Variants in PRKCB observed in about 807,000 individuals in gnomAD.
The protein encoded by PRKCB is protein kinase C beta type.
In PRKCB, 13 loss-of-function variants were observed where a neutral mutation model predicts 81.5. The observed-to-expected ratio is 0.16, with a 90% CI of 0.10 to 0.25. The LOEUF (loss-of-function observed/expected upper bound fraction) is 0.25. Among genes scored for constraint, PRKCB ranks in the 10% least tolerant of loss-of-function variants. The probability of loss-of-function intolerance (pLI) is 1.00; values close to 1 mark genes in which losing one functional copy is unlikely to be tolerated. For missense variants in PRKCB, 509 were observed against 875.7 expected (o/e 0.58, Z 5.29); for synonymous variants, 335 against 321.4 (o/e 1.04, Z -0.45).
intron 5 of PRKCB, among the ~76,000 whole-genome samples, chr16:24,052,584 A>G (rs1965855938): frequency 6.6e-6 from 1 of 152,178 alleles, no homozygotes; most frequent in African/African-American, 2.4e-5. Context: ...GCAGATTCCC[A>G]GAACTGAGGA....
intron 10 of PRKCB, among the ~76,000 whole-genome samples, chr16:24,168,349 C>T (rs1967378574): frequency 6.6e-6 from 1 of 152,130 alleles, no homozygotes; most frequent in South Asian, 2.1e-4. Context: ...CACCTCTTCT[C>T]CCGGTTTTAT....
At chr16:24,194,397 A>G (rs767150334) in intron 16 of PRKCB, among the ~76,000 whole-genome samples, 11 of 152,188 alleles carry the variant, frequency 7.2e-5, no homozygotes, top group Non-Finnish European at 1.6e-4. Context: ...TATATATCAG[A>G]ACAAATTTTT....
chr16:24,151,136 C>T (rs1011456124), intron 9 of PRKCB, among the ~76,000 whole-genome samples: 3 of 152,138 alleles, frequency 2.0e-5, no homozygotes, highest in East Asian at 1.9e-4. Context: ...ATTTCTGTGT[C>T]TCCTTTTACT....
intron 5 of PRKCB, among the ~76,000 whole-genome samples, chr16:24,043,683 C>T (rs1321485364): frequency 6.6e-6 from 1 of 152,026 alleles, no homozygotes; most frequent in East Asian, 1.9e-4. Flanking sequence ...TCTCTTCTTC[C>T]CTGGTCATTT....
At chr16:24,175,971 CAAAAAAAAAAAA>C (rs34578906) in intron 12 of PRKCB, among the ~76,000 whole-genome samples, 14 of 49,870 alleles carry the variant, frequency 2.8e-4, no homozygotes, top group African/African-American at 1.1e-3. Context: ...GACCCTGTCT[CAAAAAAAAAAAA>C]AAAAAAAAAA....
chr16:23,969,792 C>A (rs151114055), intron 2 of PRKCB, among the ~76,000 whole-genome samples: 2 of 152,118 alleles, frequency 1.3e-5, no homozygotes, highest in African/African-American at 2.4e-5. Flanking sequence ...CCAGGCCTCT[C>A]GGGAACTTCA....
chr16:24,076,133 G>A (rs1966174310), intron 5 of PRKCB, among the ~76,000 whole-genome samples: 1 of 152,152 alleles, frequency 6.6e-6, no homozygotes, highest in Non-Finnish European at 1.5e-5. Flanking sequence ...CTGCTAGTCT[G>A]GGCCACACCC....
At chr16:24,172,852 A>G (rs1967465119) in intron 11 of PRKCB, among the ~76,000 whole-genome samples, 1 of 152,160 alleles carries the variant, frequency 6.6e-6, no homozygotes, top group African/African-American at 2.4e-5. Context: ...TGTAGATTTT[A>G]TGTGTCCATT....
chr16:23,873,192 A>C (rs183234057), intron 2 of PRKCB, among the ~76,000 whole-genome samples: 11 of 73,210 alleles, frequency 1.5e-4, no homozygotes, highest in South Asian at 6.3e-4. Context: ...ACACACACAA[A>C]AAAAAAAAAA....
chr16:24,056,570 G>A (rs2141874040), intron 5 of PRKCB, among the ~76,000 whole-genome samples: 1 of 152,236 alleles, frequency 6.6e-6, no homozygotes, highest in Non-Finnish European at 1.5e-5. Flanking sequence ...GCCATTTTTG[G>A]GTCATGGGGC....
At chr16:23,922,236 T>C (rs1963836016) in intron 2 of PRKCB, among the ~76,000 whole-genome samples, 1 of 152,070 alleles carries the variant, frequency 6.6e-6, no homozygotes, top group East Asian at 1.9e-4. Flanking sequence ...GTGAAGTGGG[T>C]GGGTATAAAA....
At chr16:24,127,384 G>C (rs1010827089) in intron 9 of PRKCB, among the ~76,000 whole-genome samples, 2 of 152,148 alleles carry the variant, frequency 1.3e-5, no homozygotes, top group African/African-American at 4.8e-5. Context: ...GAGAAGTCCT[G>C]CTCCTACCCA....
chr16:23,930,523 C>A (rs1190174742), intron 2 of PRKCB, among the ~76,000 whole-genome samples: 1 of 151,724 alleles, frequency 6.6e-6, no homozygotes, highest in African/African-American at 2.4e-5. Flanking sequence ...GAACCATGTT[C>A]ATGCCACCAC....
intron 3 of PRKCB, among the ~76,000 whole-genome samples, chr16:24,022,336 A>G (rs1396383658): frequency 6.6e-6 from 1 of 151,984 alleles, no homozygotes; most frequent in African/African-American, 2.4e-5. Flanking sequence ...CTGGTGTAAG[A>G]CAATAGGGAA....
intron 3 of PRKCB, among the ~76,000 whole-genome samples, chr16:24,024,791 G>A (rs1167278535): frequency 6.6e-6 from 1 of 152,172 alleles, no homozygotes; most frequent in Non-Finnish European, 1.5e-5. Flanking sequence ...ATGGCTTTTG[G>A]GAGGTGCCCA....
intron 13 of PRKCB, 70 bp downstream of exon 13, chr16:24,180,998 G>A: frequency 6.3e-7 from 1 of 1,577,402 alleles, no homozygotes; most frequent in Non-Finnish European, 8.6e-7. Flanking sequence ...CTGTGTGAGA[G>A]CTGGGAAGGG....
At chr16:24,000,775 T>C (rs1046191789) in intron 3 of PRKCB, among the ~76,000 whole-genome samples, 1 of 152,194 alleles carries the variant, frequency 6.6e-6, no homozygotes, top group African/African-American at 2.4e-5. Flanking sequence ...TATGAGGTGA[T>C]TACAGTTTCC....
intron 2 of PRKCB, among the ~76,000 whole-genome samples, chr16:23,973,643 C>T (rs1261207315): frequency 6.6e-6 from 1 of 152,110 alleles, no homozygotes; most frequent in Non-Finnish European, 1.5e-5. Flanking sequence ...ATTGGCACGT[C>T]AGGACAGAAG....
rs1567347361 is a variant in PRKCB at position 24,021,347 on chromosome 16, CT to C, written c.289-10787del. Among the ~76,000 whole-genome samples the C allele has an allele frequency of 1.7e-3, 136 of 78,792 alleles. 17 individuals are homozygous for C. The highest frequency in any genetic ancestry group is 2.6e-3 in the Non-Finnish European group (109 of 42,700). The allele number at this position is 78,792 out of a possible 152,430, so 51.7% of individuals were successfully genotyped here. A position where few individuals can be genotyped will look rare whatever the true frequency, so the allele number is the denominator to read the frequency against. On this transcript the variant is annotated intron_variant, in intron 3 of 16. Transcript: ENST00000643927. The stretch of plus-strand genomic sequence containing the variant: ...CCTTCCTTCCTTCCTTCCTTCCTTC[CT>C]TCCTTCCTCCTTCCCTCCCTCCCTC...
Sources: allele counts gnomAD v4.1 joint callset (sites outside exome capture counted in the v4.1 genomes callset), GRCh38; gene constraint gnomAD v4.1.1; transcripts MANE v1.5; gene names NCBI Gene and HGNC (gene_info 2026-07-23, HGNC 2026-07-21).